The following TRPC1 variants were observed in gnomAD, a reference collection of about 807,000 sequenced individuals.
TRPC1 encodes short transient receptor potential channel 1.
A neutral mutation model predicts 88.2 loss-of-function variants in TRPC1; 42 were observed. That is an observed-to-expected ratio of 0.48 (90% CI 0.37 to 0.62). The LOEUF is 0.62. Ranked by LOEUF, TRPC1 falls within the 20% of genes least tolerant of loss-of-function variation. The pLI is 0.00. For synonymous variants in TRPC1, 288 were observed against 331.8 expected, an observed-to-expected ratio of 0.87 and a Z score of 1.43; for missense variants, 699 against 957.3, an observed-to-expected ratio of 0.73 and a Z score of 3.56.
chr3:142,728,894 AAGTGTT>A (rs1933789022), intron 1 of TRPC1, among the ~76,000 whole-genome samples: 1 of 152,132 alleles, frequency 6.6e-6, no homozygotes, highest in Non-Finnish European at 1.5e-5. Context: ...TATTGGTGTG[AAGTGTT>A]ATGTTGACAA....
intron 1 of TRPC1, among the ~76,000 whole-genome samples, chr3:142,726,788 C>T (rs1054522660): frequency 3.9e-5 from 6 of 152,198 alleles, no homozygotes; most frequent in African/African-American, 1.4e-4. Context: ...GCTATGACTT[C>T]CACCATTACA....
At chr3:142,726,983 G>A (rs969547503) in intron 1 of TRPC1, among the ~76,000 whole-genome samples, 1 of 152,156 alleles carries the variant, frequency 6.6e-6, no homozygotes, top group African/African-American at 2.4e-5. Context: ...TTTGCCCAAG[G>A]TTACATTGGT....
At chr3:142,793,009 A>G (rs374448385) in intron 9 of TRPC1, 42 bp downstream of exon 9, 10 of 1,480,654 alleles carry the variant, frequency 6.8e-6, no homozygotes, top group Non-Finnish European at 9.1e-6. Flanking sequence ...TTTAGATGTC[A>G]TTATTGTTAC....
intron 1 of TRPC1, among the ~76,000 whole-genome samples, chr3:142,729,324 A>G (rs539276220): frequency 4.6e-5 from 7 of 152,328 alleles, no homozygotes; most frequent in African/African-American, 1.7e-4. Context: ...GTGTTAAGGC[A>G]CTGTGAAAGT....
chr3:142,789,904 T>C (rs1290626336), intron 7 of TRPC1, among the ~76,000 whole-genome samples: 4 of 152,210 alleles, frequency 2.6e-5, no homozygotes, highest in Non-Finnish European at 5.9e-5. Flanking sequence ...AAACAAAGAT[T>C]CTTACCCTTG....
At chr3:142,803,159 A>G (rs1005801242) in intron 10 of TRPC1, among the ~76,000 whole-genome samples, 1 of 152,226 alleles carries the variant, frequency 6.6e-6, no homozygotes, top group Non-Finnish European at 1.5e-5. Flanking sequence ...CAAATAAAGC[A>G]TGAGCAAAAG....
chr3:142,796,823 G>A (rs1177564124), intron 9 of TRPC1, among the ~76,000 whole-genome samples: 1 of 152,060 alleles, frequency 6.6e-6, no homozygotes, highest in Non-Finnish European at 1.5e-5. Context: ...AGTGTAGAGT[G>A]GAGTGGATTG....
chr3:142,764,969 G>A (rs1049303747), intron 4 of TRPC1, among the ~76,000 whole-genome samples: 1 of 151,518 alleles, frequency 6.6e-6, no homozygotes, highest in African/African-American at 2.4e-5. Flanking sequence ...TTTTTTCTCC[G>A]CTGAATGTGT....
intron 1 of TRPC1, among the ~76,000 whole-genome samples, chr3:142,734,464 G>T (rs1934045641): frequency 6.6e-6 from 1 of 151,976 alleles, no homozygotes; most frequent in Non-Finnish European, 1.5e-5. Flanking sequence ...ATGCAGGAAA[G>T]AGAGAGGAAA....
At chr3:142,766,405 T>C (rs1935389166) in intron 4 of TRPC1, among the ~76,000 whole-genome samples, 2 of 150,448 alleles carry the variant, frequency 1.3e-5, no homozygotes, top group Non-Finnish European at 3.0e-5. Flanking sequence ...TTTTTTTTTT[T>C]TTTCTTTTTT....
chr3:142,799,576 C>A (rs900436684), intron 9 of TRPC1, among the ~76,000 whole-genome samples: 1 of 151,940 alleles, frequency 6.6e-6, no homozygotes, highest in African/African-American at 2.4e-5. Flanking sequence ...GAGGCTAAGG[C>A]GGGAGGATAG....
At chr3:142,732,138 G>C (rs932368340) in intron 1 of TRPC1, among the ~76,000 whole-genome samples, 2 of 152,154 alleles carry the variant, frequency 1.3e-5, no homozygotes, top group Admixed American at 6.5e-5. Flanking sequence ...AACAAGGAAG[G>C]GGGTGAGTGT....
At chr3:142,746,020 G>T (rs1170329899) in intron 3 of TRPC1, among the ~76,000 whole-genome samples, 2 of 152,142 alleles carry the variant, frequency 1.3e-5, no homozygotes, top group African/African-American at 4.8e-5. Context: ...GCCTCCCAAA[G>T]TGCTGGGATT....
chr3:142,779,351 C>T (rs1403965981), intron 5 of TRPC1, among the ~76,000 whole-genome samples: 1 of 152,138 alleles, frequency 6.6e-6, no homozygotes, highest in African/African-American at 2.4e-5. Flanking sequence ...CTAAACTATA[C>T]AGCCACTTAT....
intron 4 of TRPC1, among the ~76,000 whole-genome samples, chr3:142,754,203 T>C (rs1934880576): frequency 6.6e-6 from 1 of 152,146 alleles, no homozygotes; most frequent in Non-Finnish European, 1.5e-5. Context: ...TAAACCATTG[T>C]AGTTTAGAAA....
At chr3:142,789,596 C>A (rs755223218) in intron 7 of TRPC1, among the ~76,000 whole-genome samples, 1 of 152,060 alleles carries the variant, frequency 6.6e-6, no homozygotes, top group Non-Finnish European at 1.5e-5. Context: ...TTCTGATTGG[C>A]CTAATTTGAT....
intron 2 of TRPC1, among the ~76,000 whole-genome samples, chr3:142,736,883 G>C (rs1027410265): frequency 1.3e-5 from 2 of 151,884 alleles, no homozygotes; most frequent in African/African-American, 4.8e-5. Flanking sequence ...AAATACTCTG[G>C]AAGTGTCAGA....
At chr3:142,795,045 T>A (rs1483472068) in intron 9 of TRPC1, among the ~76,000 whole-genome samples, 1 of 152,054 alleles carries the variant, frequency 6.6e-6, no homozygotes, top group African/African-American at 2.4e-5. Flanking sequence ...AATTAAACTT[T>A]CAGAGATGAA....
intron 1 of TRPC1, among the ~76,000 whole-genome samples, chr3:142,729,279 G>A (rs1346021263): frequency 2.6e-5 from 4 of 152,190 alleles, no homozygotes; most frequent in African/African-American, 7.2e-5. Flanking sequence ...TTTTCTGTAA[G>A]TCACAATCAA....
Sources: allele counts gnomAD v4.1 joint callset (sites outside exome capture counted in the v4.1 genomes callset), GRCh38; gene constraint gnomAD v4.1.1; transcripts MANE v1.5; gene names NCBI Gene and HGNC (gene_info 2026-07-23, HGNC 2026-07-21).